The following ARMCX4 variants were observed in gnomAD, a reference collection of about 807,000 sequenced individuals.
The protein encoded by ARMCX4 is armadillo repeat-containing X-linked protein 4.
ARMCX4 carries 3 observed loss-of-function variants against 34.7 expected under a neutral mutation model. The observed-to-expected ratio is 0.09, with a 90% confidence interval of 0.04 to 0.22. The LOEUF (loss-of-function observed/expected upper bound fraction) is 0.22. ARMCX4 is among the 10% of genes least tolerant of loss of function. ARMCX4 has a pLI of 1.00. For synonymous variants in ARMCX4, 513 were observed against 632.8 expected (o/e 0.81, Z 2.84); for missense variants, 1,448 against 1,720.8 (o/e 0.84, Z 2.81).
intron 4 of ARMCX4, among the ~76,000 whole-genome samples, chrX:101,457,172 G>A (rs1932331534): frequency 8.9e-6 from 1 of 111,986 alleles, no homozygotes; most frequent in Non-Finnish European, 1.9e-5. Context: ...CATCCCTGTG[G>A]TATTGATTAA....
Position 101,467,493 on chromosome X carries a change from G to A in ARMCX4, c.-472-18530G>A, listed in dbSNP as rs782707409. Among the ~76,000 whole-genome samples, 4 of 112,051 alleles carry A rather than the reference G, an allele frequency of 3.6e-5. No individual in the cohort carries two copies. In the East Asian group the frequency reaches 1.1e-3, roughly 31 times the overall value. ...AAAAGGCTGGAAAGAAACCATCAAA[G>A]CATCTATCTCAAGGAGCTAGGAAAA... On this transcript the variant is annotated intron_variant and NMD_transcript_variant, in intron 4 of 15. Coordinates refer to the ARMCX4 transcript ENST00000433011.
At chrX:101,440,763 C>A (rs1323254833) in intron 2 of ARMCX4, among the ~76,000 whole-genome samples, 2 of 111,601 alleles carry the variant, frequency 1.8e-5, no homozygotes, top group African/African-American at 6.5e-5. Flanking sequence ...GGGTGTAGGA[C>A]CCTCCGAGCC....
In ARMCX4 at chrX:101,491,773, G is replaced by A. The variant is rs880002921; in HGVS notation, c.3184G>A (p.Ala1062Thr). ...GGCAGAAGCCACAGCAGAAGATGAG[G>A]CCTATGCAAAGCCTGAGGCTGAGGC... ...SEAEATAEDE[A>T]YAKPEAEAMP... Residue 1062 changes from alanine (A) to threonine (T), a missense_variant, in exon 6 of 6, where the codon GCC (alanine) becomes ACC (threonine). Physicochemically the swap from Ala to Thr is moderately conservative, Grantham distance 58 (BLOSUM62 0). Coordinates refer to ENST00000423738, the MANE Select transcript of ARMCX4 (RefSeq NM_001256155.3). The A allele has an allele frequency of 8.6e-7, 1 of 1,156,562 alleles. No individual in the cohort carries two copies. Among genetic ancestry groups the A allele is most frequent in the Non-Finnish European group, 1.1e-6 (1 of 872,953 alleles).
downstream of ARMCX4, among the ~76,000 whole-genome samples, chrX:101,500,211 G>A (rs1358376033): frequency 9.0e-6 from 1 of 111,209 alleles, no homozygotes; most frequent in Non-Finnish European, 1.9e-5. Context: ...CCTAGGTAGG[G>A]TTCACAGTGG....
At chrX:101,420,514 T>C (rs1929173835) in intron 2 of ARMCX4, among the ~76,000 whole-genome samples, 1 of 111,359 alleles carries the variant, frequency 9.0e-6, no homozygotes, top group African/African-American at 3.3e-5. Flanking sequence ...GCCATGCAAG[T>C]GTATAATTGC....
intron 4 of ARMCX4, among the ~76,000 whole-genome samples, chrX:101,455,877 T>A (rs963076560): frequency 8.1e-5 from 9 of 111,086 alleles, no homozygotes; most frequent in Non-Finnish European, 1.5e-4. Context: ...GTGCACCCAA[T>A]GTTTAGCTCC....
chrX:101,486,402 T>C (rs2147659968), intron 2 of ARMCX4, among the ~76,000 whole-genome samples: 1 of 111,049 alleles, frequency 9.0e-6, no homozygotes, highest in South Asian at 3.8e-4. Flanking sequence ...ATAGTGATTT[T>C]GTAGAAGCAA....
intron 2 of ARMCX4, among the ~76,000 whole-genome samples, chrX:101,422,342 T>G (rs1392888838): frequency 9.4e-6 from 1 of 106,630 alleles, no homozygotes; most frequent in Non-Finnish European, 2.0e-5. Context: ...AAAGATAACT[T>G]GGTGGGTAGG....
intron 11 of ARMCX4, among the ~76,000 whole-genome samples, chrX:101,528,236 A>T (rs1487252692): frequency 1.8e-5 from 2 of 112,078 alleles, no homozygotes; most frequent in African/African-American, 6.5e-5. Context: ...CAAAAACCAC[A>T]TGATTATCTT....
In ARMCX4 at chrX:101,491,597, G is replaced by A; in HGVS notation, c.3008G>A (p.Gly1003Asp). The A allele has an allele frequency of 8.6e-7, 1 of 1,156,674 alleles. No individual in the cohort carries two copies. Among genetic ancestry groups the A allele is most frequent in the Non-Finnish European group, 1.1e-6 (1 of 873,092 alleles). The change falls in exon 6 of 6, where the codon GGT becomes GAT. Residue 1003 changes from glycine (G) to aspartate (D), a missense_variant. Coordinates refer to ENST00000423738, the MANE Select transcript of ARMCX4 (RefSeq NM_001256155.3). ...AATTCCCAGAGTGAGACCTTGCTTG[G>A]TGCCAGGAATAAGGTCAAGGGCAAT... ...VANSQSETLL[G>D]ARNKVKGNTI...
In ARMCX4 at chrX:101,490,133, A is replaced by C. The variant is rs1556008255; in HGVS notation, c.1544A>C (p.Gln515Pro). Residue 515 changes from glutamine to proline, a missense_variant, in exon 6 of 6, where the codon CAG (glutamine) becomes CCG (proline). By Grantham distance (76) the Gln-to-Pro change is moderately conservative (BLOSUM62 -1). This residue lies in a region of ARMCX4 where 1,343 missense variants were observed against 1,540.7 expected (regional missense o/e 0.87). Transcript: ENST00000423738. ...GVDMKAQGMA[Q>P]SQGEALPNTR... ...GATATGAAGGCTCAAGGTATGGCCC[A>C]GAGCCAGGGTGAAGCCTTACCTAAT... 2.6e-6 allele frequency: 3 copies of C among 1,154,475 alleles called. No individual in the cohort carries two copies. The highest frequency in any genetic ancestry group is 3.6e-5 in the African/African-American group (2 of 55,816).
rs1433243740 is a variant in ARMCX4, at chrX:101,492,895, G to A, written c.4306G>A (p.Gly1436Arg). 8.7e-7 allele frequency: 1 copy of A among 1,152,816 alleles called. No homozygotes were observed. The highest frequency in any genetic ancestry group is 1.1e-6 in the Non-Finnish European group (1 of 872,027). The change falls in exon 6 of 6, where the codon GGA becomes AGA. Residue 1436 changes from glycine to arginine, a missense_variant. By Grantham distance (125) the Gly-to-Arg change is moderately radical. Coordinates refer to ENST00000423738, the MANE Select transcript of ARMCX4 (RefSeq NM_001256155.3). The stretch of plus-strand genomic sequence containing the variant: ...TAACTCTGGGGACCAAATCAGTGGA[G>A]GATTCTTAGTTGGGATTGTGGACCA... ...WANSGDQISG[G>R]FLVGIVDQAN...
intron 11 of ARMCX4, among the ~76,000 whole-genome samples, chrX:101,530,894 CT>C (rs1216267603): frequency 8.9e-6 from 1 of 112,009 alleles, no homozygotes; most frequent in Non-Finnish European, 1.9e-5. Context: ...ATAGAAAATA[CT>C]TTTTTCCTCT....
chrX:101,511,614 A>G (rs1331796981), intron 11 of ARMCX4, among the ~76,000 whole-genome samples: 1 of 111,117 alleles, frequency 9.0e-6, no homozygotes, highest in Non-Finnish European at 1.9e-5. Context: ...ATTGTGGCAC[A>G]CACAAATGCC....
At chrX:101,429,281 C>T (rs1300659900) in intron 2 of ARMCX4, among the ~76,000 whole-genome samples, 1 of 109,066 alleles carries the variant, frequency 9.2e-6, no homozygotes, top group Non-Finnish European at 1.9e-5. Flanking sequence ...CTATGATCCT[C>T]AGTTTTCTCA....
At chrX:101,484,205 C>T (rs1933591611), upstream of ARMCX4, among the ~76,000 whole-genome samples, 1 of 111,667 alleles carries the variant, frequency 9.0e-6, no homozygotes, top group East Asian at 2.8e-4. Flanking sequence ...TCCACAGACC[C>T]TCACCACCAT....
chrX:101,429,627 C>T (rs781937947), intron 2 of ARMCX4, among the ~76,000 whole-genome samples: 36 of 110,995 alleles, frequency 3.2e-4, no homozygotes, highest in South Asian at 3.9e-4. Context: ...TGAGCCACCG[C>T]GCCCAGCCAG....
At chrX:101,529,191 C>A (rs1315931526) in intron 11 of ARMCX4, among the ~76,000 whole-genome samples, 2 of 111,065 alleles carry the variant, frequency 1.8e-5, no homozygotes, top group Non-Finnish European at 3.8e-5. Flanking sequence ...ACACATACAA[C>A]CATCTGATCT....
chrX:101,489,332 C>T lies in ARMCX4; in HGVS notation c.743C>T (p.Thr248Ile). 8.7e-7 allele frequency: 1 copy of T among 1,154,928 alleles called. No homozygotes were observed. The highest frequency in any genetic ancestry group is 2.6e-5 in the Admixed American group (1 of 38,747). ...GAAGAGACTGTGAGTGTGGCTAAGA[C>T]TCAGTCTGAGGCCAGGCCTGGTGCC... Reference protein sequence around the residue: ...ALEETVSVAKTQSEARPGATV... With the variant: ...ALEETVSVAKIQSEARPGATV... The change falls in exon 6 of 6, where the codon ACT becomes ATT. Residue 248 changes from threonine (T) to isoleucine (I), a missense_variant. Coordinates refer to ENST00000423738, the MANE Select transcript of ARMCX4 (RefSeq NM_001256155.3).
Sources: gnomAD v4.1 joint callset for allele counts (sites outside exome capture counted in the v4.1 genomes callset) on GRCh38, gnomAD v4.1.1 for gene constraint, gnomAD v4.1.1 regional missense constraint, MANE v1.5 for transcripts, NCBI Gene and HGNC (gene_info 2026-07-23, HGNC 2026-07-21) for gene names.